The following DYNC2I1 variants were observed in gnomAD, a reference collection of about 807,000 sequenced individuals.
The protein encoded by DYNC2I1 is cytoplasmic dynein 2 intermediate chain 1.
A neutral mutation model predicts 133.4 loss-of-function variants in DYNC2I1; 89 were observed. That is an observed-to-expected ratio of 0.67 (90% CI 0.56 to 0.80). The LOEUF is 0.80. Ranked by LOEUF, DYNC2I1 falls within the 30% of genes least tolerant of loss-of-function variation. The probability of loss-of-function intolerance (pLI) is 0.00; values close to 1 mark genes in which losing one functional copy is unlikely to be tolerated. For missense variants in DYNC2I1, 1,291 were observed against 1,314.5 expected (o/e 0.98, Z 0.28); for synonymous variants, 504 against 484.3 (o/e 1.04, Z -0.54).
At chr7:158,903,049 C>T (rs922985787) in intron 10 of DYNC2I1, 2 of 159,084 alleles carry the variant, frequency 1.3e-5, no homozygotes, top group Admixed American at 6.2e-5. Flanking sequence ...TGATGTGCTC[C>T]TTGAGTTTCC....
chr7:158,894,261 G>A (rs893695238), intron 8 of DYNC2I1, among the ~76,000 whole-genome samples: 2 of 151,510 alleles, frequency 1.3e-5, no homozygotes, highest in Non-Finnish European at 2.9e-5. Context: ...CATATATCAT[G>A]GCGCATATCC....
the DYNC2I1 span, among the ~76,000 whole-genome samples, chr7:158,851,418 C>T: frequency 9.7e-6 from 1 of 103,168 alleles, no homozygotes; most frequent in Non-Finnish European, 1.7e-5. Context: ...TGCCTGTAAT[C>T]CCAGCAAGAA....
At chr7:158,948,389 T>C (rs748157257), downstream of DYNC2I1, among the ~76,000 whole-genome samples, 1 of 152,244 alleles carries the variant, frequency 6.6e-6, no homozygotes, top group Non-Finnish European at 1.5e-5. Flanking sequence ...GTTTTTGTTA[T>C]TTAGAAAACA....
intron 23 of DYNC2I1, among the ~76,000 whole-genome samples, chr7:158,937,648 GGTGCA>G (rs912222518): frequency 1.0e-4 from 11 of 109,766 alleles, no homozygotes; most frequent in African/African-American, 3.9e-4. Context: ...CACAAGGCTG[GGTGCA>G]GTGGCCCATG....
intron 20 of DYNC2I1, among the ~76,000 whole-genome samples, chr7:158,928,421 T>C (rs981041906): frequency 2.0e-5 from 3 of 152,050 alleles, no homozygotes; most frequent in African/African-American, 7.2e-5. Context: ...CCTAACCTCT[T>C]GAGATGAGGG....
intron 1 of DYNC2I1, among the ~76,000 whole-genome samples, chr7:158,857,097 T>G (rs1199875999): frequency 6.6e-6 from 1 of 152,182 alleles, no homozygotes; most frequent in Non-Finnish European, 1.5e-5. Flanking sequence ...ATTTAAAAGT[T>G]TATTAAATTT....
upstream of DYNC2I1, among the ~76,000 whole-genome samples, chr7:158,854,572 C>T (rs79813092): frequency 4.7e-3 from 714 of 152,078 alleles, 43 homozygotes; most frequent in East Asian, 0.12. Context: ...CGCAAACCAC[C>T]GTGGCATGTG....
At chr7:158,931,345 TG>T (rs1380053621) in intron 21 of DYNC2I1, among the ~76,000 whole-genome samples, 1 of 152,326 alleles carries the variant, frequency 6.6e-6, no homozygotes, top group East Asian at 1.9e-4. Context: ...AGAAAACCTG[TG>T]GGTTGTGTTA....
rs113601367 is a variant in DYNC2I1 at position 158,917,477 on chromosome 7, A to G, written c.1792-1263A>G. The stretch of plus-strand genomic sequence containing the variant: ...TCCTGTCCTCCACACTCCACCCTCC[A>G]CCTCTCACTAAACACCTCCTGTCCT... On this transcript the variant is annotated intron_variant, in intron 14 of 24. Transcript: ENST00000407559. Among the ~76,000 whole-genome samples the G allele has an allele frequency of 3.3e-3, 170 of 50,950 alleles. 31 individuals carry two copies. Among genetic ancestry groups the G allele is most frequent in the Non-Finnish European group, 3.8e-3 (112 of 29,312 alleles). 33.4% of individuals were successfully genotyped at this position (50,950 alleles called of 152,430 possible).
downstream of DYNC2I1, among the ~76,000 whole-genome samples, chr7:158,957,494 AGT>A (rs1852227479): frequency 6.6e-6 from 1 of 152,236 alleles, no homozygotes; most frequent in African/African-American, 2.4e-5. Context: ...AGAATATGAA[AGT>A]GGGTAGCAGC....
intron 12 of DYNC2I1, 94 bp from the exon 13 acceptor site, chr7:158,912,891 C>T: frequency 3.4e-6 from 3 of 892,608 alleles, no homozygotes; most frequent in Non-Finnish European, 5.1e-6. Context: ...TTGATACTTA[C>T]TTTTGACACA....
Position 158,862,674 on chromosome 7 carries a change from A to C in DYNC2I1, c.15+5924A>C, listed in dbSNP as rs976976866. Among the ~76,000 whole-genome samples the C allele has an allele frequency of 2.0e-5, 3 of 151,938 alleles. No individual in the cohort carries two copies. The East Asian group carries it at 5.8e-4, about 29-fold the overall frequency. On this transcript the variant is annotated intron_variant, in intron 1 of 24. Transcript: ENST00000407559. ...GGTCAAGGCTGTAGTGAGCTATGAT[A>C]GCACTGTGTCCGGAGTTGGTTCCTT...
chr7:158,940,933 C>T (rs1177705190), intron 23 of DYNC2I1, among the ~76,000 whole-genome samples: 7 of 151,910 alleles, frequency 4.6e-5, no homozygotes, highest in Non-Finnish European at 1.0e-4. Context: ...AGGAGAAAAG[C>T]AAGAACAAAC....
chr7:158,927,538 C>A (rs1027183995), intron 20 of DYNC2I1, among the ~76,000 whole-genome samples: 1 of 150,904 alleles, frequency 6.6e-6, no homozygotes, highest in African/African-American at 2.4e-5. Context: ...CTAGAATAAT[C>A]AAATGATATT....
chr7:158,860,078 G>A (rs182719390), intron 1 of DYNC2I1, among the ~76,000 whole-genome samples: 6 of 147,744 alleles, frequency 4.1e-5, no homozygotes, highest in East Asian at 4.1e-4. Context: ...TTTTGGAGAC[G>A]AAGTCTCACT....
Position 158,897,085 on chromosome 7 carries a change from G to A in DYNC2I1, c.1060-4654G>A, listed in dbSNP as rs1158417897. On this transcript the variant is annotated intron_variant, in intron 8 of 24. Coordinates refer to ENST00000407559, the MANE Select transcript of DYNC2I1 (RefSeq NM_018051.5). ...TGCAGCCTCCACCTCCTGGGTTCAA[G>A]CAGTTCTCCTGCCTCAGCCTCCCGA... Among the ~76,000 whole-genome samples, 4 of 150,766 alleles carry A rather than the reference G, an allele frequency of 2.7e-5. No individual in the cohort carries two copies. The South Asian group carries it at 6.3e-4, about 24-fold the overall frequency.
chr7:158,900,768 T>G (rs945090117), intron 8 of DYNC2I1, among the ~76,000 whole-genome samples: 3 of 151,338 alleles, frequency 2.0e-5, no homozygotes, highest in African/African-American at 7.3e-5. Context: ...CTTTTTGTTC[T>G]CTTTGCTTTT....
In DYNC2I1 at chr7:158,913,008, T is replaced by C. The variant is rs373274533; in HGVS notation, c.1614T>C (p.Asp538=). 1.6e-5 allele frequency: 25 copies of C among 1,612,846 alleles called. No homozygotes were observed. The African/African-American group carries it at 2.8e-4, about 18-fold the overall frequency. The change falls in exon 13 of 25, where the codon GAT becomes GAC. Residue 538 remains aspartate (D), a synonymous_variant. Coordinates refer to ENST00000407559, the MANE Select transcript of DYNC2I1 (RefSeq NM_018051.5). The part of the protein sequence containing the change: ...TKQAYVQCNE[D]NVERDIQTEE... ...AGGCATATGTTCAGTGTAACGAAGA[T>C]AATGTTGAAAGAGACATTCAAACGG...
chr7:158,913,649 C>T (rs1847712442), intron 13 of DYNC2I1, among the ~76,000 whole-genome samples: 1 of 152,090 alleles, frequency 6.6e-6, no homozygotes, highest in South Asian at 2.1e-4. Context: ...GTAAGCCTCA[C>T]CTTAAGAAAG....
Sources: allele counts gnomAD v4.1 joint callset (sites outside exome capture counted in the v4.1 genomes callset), GRCh38; gene constraint gnomAD v4.1.1; transcripts MANE v1.5; gene names NCBI Gene and HGNC (gene_info 2026-07-23, HGNC 2026-07-21).